KHDRBS2: variants seen among roughly 807,000 people sequenced by gnomAD.
KHDRBS2 encodes KH RNA binding domain containing, signal transduction associated 2, also known as KH domain-containing, RNA-binding, signal transduction-associated protein 2.
Under a neutral mutation model 44.3 loss-of-function variants are expected in KHDRBS2, and 26 were observed. That is an observed-to-expected ratio of 0.59 (90% CI 0.43 to 0.81). KHDRBS2 has a LOEUF of 0.81. Among genes scored for constraint, KHDRBS2 ranks in the 40% least tolerant of loss-of-function variants. KHDRBS2 has a pLI of 0.00. For synonymous variants in KHDRBS2, 194 were observed against 151.1 expected (o/e 1.28, Z -2.08); for missense variants, 476 against 433.1 (o/e 1.10, Z -0.88).
the KHDRBS2 span, among the ~76,000 whole-genome samples, chr6:61,568,977 AGTGGGC>A: frequency 6.6e-6 from 1 of 150,950 alleles, no homozygotes; most frequent in Non-Finnish European, 1.5e-5. Flanking sequence ...CTGCTGACAG[AGTGGGC>A]ATATGGGGAA....
intron 6 of KHDRBS2, among the ~76,000 whole-genome samples, chr6:61,798,055 T>C (rs1785661016): frequency 6.6e-6 from 1 of 152,042 alleles, no homozygotes; most frequent in African/African-American, 2.4e-5. Context: ...ATATCTATTG[T>C]TACCATCTTT....
intron 1 of KHDRBS2, among the ~76,000 whole-genome samples, chr6:62,198,964 T>C (rs773337723): frequency 2.0e-5 from 3 of 152,114 alleles, no homozygotes; most frequent in Non-Finnish European, 4.4e-5. Context: ...ATCCAGCATA[T>C]AAACAGAACC....
rs535937565 is a variant in KHDRBS2, at chr6:61,761,514, G to C, written c.811-28750C>G. On this transcript the variant is annotated intron_variant, in intron 6 of 8. Coordinates refer to ENST00000281156, the MANE Select transcript of KHDRBS2 (RefSeq NM_152688.4). Reference sequence around the variant, plus strand: ...TATGTTCCTGAATATTTACAAAATGGAATTGCAGATCATTGCATTAAGGTA... The same window carrying C: ...TATGTTCCTGAATATTTACAAAATGCAATTGCAGATCATTGCATTAAGGTA... 2.0e-4 allele frequency among the ~76,000 whole-genome samples: 30 copies of C among 152,192 alleles called. No individual in the cohort carries two copies. In the South Asian group the frequency reaches 4.2e-3, roughly 21 times the overall value.
intron 2 of KHDRBS2, among the ~76,000 whole-genome samples, chr6:62,111,355 G>T (rs1377882930): frequency 3.9e-5 from 6 of 152,072 alleles, no homozygotes; most frequent in East Asian, 1.9e-4. Context: ...GAACTGCACA[G>T]AATTCATTCA....
chr6:61,584,987 A>T, the KHDRBS2 span, among the ~76,000 whole-genome samples: 1 of 152,112 alleles, frequency 6.6e-6, no homozygotes, highest in South Asian at 2.1e-4. Context: ...GTGTAAATTT[A>T]TACCAAAATT....
chr6:61,792,562 T>C (rs1310121423), intron 6 of KHDRBS2, among the ~76,000 whole-genome samples: 3 of 151,688 alleles, frequency 2.0e-5, no homozygotes, highest in Non-Finnish European at 4.4e-5. Flanking sequence ...ATAGAGTATA[T>C]CGTTGTAGAG....
At chr6:61,598,825 CTTTTTTCTTTTCTTT>C in the KHDRBS2 span, among the ~76,000 whole-genome samples, 2 of 56,500 alleles carry the variant, frequency 3.5e-5, no homozygotes, top group Non-Finnish European at 6.9e-5. Context: ...GTAGAGTGTC[CTTTTTTCTTTTCTTT>C]TTTTTTTTTT....
At chr6:62,062,956 G>C (rs1208874933) in intron 2 of KHDRBS2, among the ~76,000 whole-genome samples, 5 of 150,728 alleles carry the variant, frequency 3.3e-5, no homozygotes, top group East Asian at 3.9e-4. Context: ...TATCACCACC[G>C]ATCCCACAGA....
At chr6:61,681,134 G>A in intron 8 of KHDRBS2, 74 bp from the exon 9 acceptor site, 3 of 1,005,376 alleles carry the variant, frequency 3.0e-6, no homozygotes, top group Non-Finnish European at 4.6e-6. Flanking sequence ...AGACACAATA[G>A]TTGACCGAGA....
At chr6:61,638,544 C>T in the KHDRBS2 span, among the ~76,000 whole-genome samples, 2 of 152,006 alleles carry the variant, frequency 1.3e-5, no homozygotes, top group Admixed American at 6.6e-5. Context: ...GACCTAAAAC[C>T]ATAAAAACCC....
intron 7 of KHDRBS2, among the ~76,000 whole-genome samples, chr6:61,727,249 C>A (rs763435399): frequency 6.6e-6 from 1 of 152,056 alleles, no homozygotes; most frequent in South Asian, 2.1e-4. Flanking sequence ...TGAAACTGGA[C>A]CCCTTCCTTA....
downstream of KHDRBS2, among the ~76,000 whole-genome samples, chr6:61,675,793 A>G (rs557066761): frequency 6.6e-6 from 1 of 151,894 alleles, no homozygotes; most frequent in East Asian, 2.0e-4. Context: ...GTTTTTAGCT[A>G]ATCTGATTTG....
intron 4 of KHDRBS2, among the ~76,000 whole-genome samples, chr6:61,924,926 A>T (rs1169918292): frequency 6.6e-6 from 1 of 152,098 alleles, no homozygotes; most frequent in Non-Finnish European, 1.5e-5. Flanking sequence ...TACGTTTGTA[A>T]TTGGGTAGGG....
chr6:61,601,310 C>T, the KHDRBS2 span, among the ~76,000 whole-genome samples: 1 of 152,004 alleles, frequency 6.6e-6, no homozygotes, highest in Non-Finnish European at 1.5e-5. Context: ...GACTTGCCTC[C>T]TTCACTGTAG....
chr6:62,220,704 T>G (rs1416207680), intron 1 of KHDRBS2, among the ~76,000 whole-genome samples: 1 of 151,610 alleles, frequency 6.6e-6, no homozygotes, highest in Non-Finnish European at 1.5e-5. Context: ...AACATAGAGA[T>G]TTATAACACA....
chr6:62,239,508 C>G (rs893907125), intron 1 of KHDRBS2, among the ~76,000 whole-genome samples: 1 of 151,886 alleles, frequency 6.6e-6, no homozygotes, highest in South Asian at 2.1e-4. Context: ...TGGAGGCGGA[C>G]GTTGCCGTGA....
intron 6 of KHDRBS2, among the ~76,000 whole-genome samples, chr6:61,872,827 T>C (rs1200155419): frequency 2.0e-5 from 3 of 152,098 alleles, no homozygotes; most frequent in Non-Finnish European, 4.4e-5. Context: ...GTTGGTGTTA[T>C]ATTGGCTTAT....
intron 3 of KHDRBS2, among the ~76,000 whole-genome samples, chr6:61,996,149 AG>A (rs1777125633): frequency 6.6e-6 from 1 of 152,204 alleles, no homozygotes; most frequent in Non-Finnish European, 1.5e-5. Flanking sequence ...ATCTGTCTAC[AG>A]GGCAAGTGTT....
At chr6:62,252,824 GGTCA>G (rs1357166289) in intron 1 of KHDRBS2, among the ~76,000 whole-genome samples, 1 of 151,820 alleles carries the variant, frequency 6.6e-6, no homozygotes, top group African/African-American at 2.4e-5. Context: ...TTCTTCTTCA[GGTCA>G]GTCTATTGAT....
Sources: gnomAD v4.1 joint callset for allele counts (sites outside exome capture counted in the v4.1 genomes callset) on GRCh38, gnomAD v4.1.1 for gene constraint, MANE v1.5 for transcripts, NCBI Gene and HGNC (gene_info 2026-07-23, HGNC 2026-07-21) for gene names.